Variants in PLCZ1 observed in about 807,000 individuals in gnomAD.
PLCZ1 encodes 1-phosphatidylinositol 4,5-bisphosphate phosphodiesterase zeta-1.
In PLCZ1, 64 loss-of-function variants were observed where a neutral mutation model predicts 76.8. That is an observed-to-expected ratio of 0.83 (90% CI 0.68 to 1.03). The LOEUF is 1.03. Among genes scored for constraint, PLCZ1 ranks in the 50% least tolerant of loss-of-function variants. PLCZ1 has a pLI of 0.00. For synonymous variants in PLCZ1, 248 were observed against 230.8 expected (o/e 1.07, Z -0.68); for missense variants, 751 against 713.7 (o/e 1.05, Z -0.60).
At chr12:18,692,027 A>G (rs1484427334) in intron 12 of PLCZ1, among the ~76,000 whole-genome samples, 1 of 152,144 alleles carries the variant, frequency 6.6e-6, no homozygotes, top group African/African-American at 2.4e-5. Context: ...ATCCTGTGGT[A>G]TTACGATGGT....
At position 18,684,578 on chromosome 12, in the gene PLCZ1, T is replaced by C. The variant is rs918032488; in HGVS notation, c.1592-299A>G. ...AGATGTTACATAATTTCCTAAGGTTTCACATATGTGGTCATTAAGTGGCAG... is the reference window on the plus strand; with the variant it reads ...AGATGTTACATAATTTCCTAAGGTTCCACATATGTGGTCATTAAGTGGCAG... On this transcript the variant is annotated intron_variant, in intron 13 of 14. Transcript: ENST00000266505. Among the ~76,000 whole-genome samples, 4 of 152,170 alleles carry C rather than the reference T, an allele frequency of 2.6e-5. No homozygotes were observed. In the East Asian group the frequency reaches 5.8e-4, roughly 22 times the overall value.
intron 6 of PLCZ1, among the ~76,000 whole-genome samples, chr12:18,708,316 C>T (rs1956874011): frequency 6.6e-6 from 1 of 152,106 alleles, no homozygotes; most frequent in Non-Finnish European, 1.5e-5. Context: ...ACATAATGTC[C>T]TCACTCATGC....
the PLCZ1 span, among the ~76,000 whole-genome samples, chr12:18,662,223 A>T: frequency 6.6e-6 from 1 of 152,122 alleles, no homozygotes; most frequent in Non-Finnish European, 1.5e-5. Flanking sequence ...TATGCTCATC[A>T]CCTGGCTGAT....
the PLCZ1 span, among the ~76,000 whole-genome samples, chr12:18,671,396 C>G: frequency 6.6e-6 from 1 of 151,798 alleles, no homozygotes; most frequent in Non-Finnish European, 1.5e-5. Flanking sequence ...AGAAAGAACA[C>G]GAGAGCCTGG....
chr12:18,694,307 G>A (rs1175622401), intron 12 of PLCZ1, among the ~76,000 whole-genome samples: 3 of 152,060 alleles, frequency 2.0e-5, no homozygotes, highest in South Asian at 2.1e-4. Flanking sequence ...AATAAAGCGC[G>A]CTCTTTCACA....
intron 9 of PLCZ1, 144 bp from the exon 10 acceptor site, chr12:18,700,094 A>G (rs543217767): frequency 1.2e-4 from 83 of 701,660 alleles, no homozygotes; most frequent in South Asian, 4.9e-4. Flanking sequence ...GATTAACTCA[A>G]TATGATTATT....
At position 18,723,546 on chromosome 12, in the gene PLCZ1, C is replaced by A. The variant is rs753874458; in HGVS notation, c.136-4G>T. ...CTTGTTTCAGCCTGTCATTGTCCTA[C>A]TAAAAAAATGACTGGTGGGCTCACA... On this transcript the variant is annotated splice_region_variant and splice_polypyrimidine_tract_variant and intron_variant, in intron 3 of 14. Coordinates refer to ENST00000266505, the MANE Select transcript of PLCZ1 (RefSeq NM_033123.4). 4 of 1,607,042 alleles carry A rather than the reference C, an allele frequency of 2.5e-6. No individual in the cohort carries two copies. The South Asian group carries it at 3.3e-5, about 13-fold the overall frequency.
At chr12:18,712,077 T>G (rs1957409588) in intron 6 of PLCZ1, among the ~76,000 whole-genome samples, 1 of 152,182 alleles carries the variant, frequency 6.6e-6, no homozygotes. Context: ...ATTTAATGTA[T>G]TAGGTACACA....
At chr12:18,652,514 G>GTTGC in the PLCZ1 span, among the ~76,000 whole-genome samples, 1 of 152,138 alleles carries the variant, frequency 6.6e-6, no homozygotes, top group Non-Finnish European at 1.5e-5. Context: ...GAAAAATACT[G>GTTGC]TTGCTTAAGC....
chr12:18,671,272 A>G, the PLCZ1 span, among the ~76,000 whole-genome samples: 3 of 152,288 alleles, frequency 2.0e-5, no homozygotes, highest in East Asian at 3.9e-4. Flanking sequence ...TAGTGTATGT[A>G]AAAACATTTC....
intron 6 of PLCZ1, among the ~76,000 whole-genome samples, chr12:18,711,097 C>T (rs562296070): frequency 1.7e-4 from 26 of 151,838 alleles, no homozygotes; most frequent in African/African-American, 4.8e-4. Context: ...ATGTTTATTG[C>T]GGCACTATTC....
chr12:18,704,435 C>T (rs1446971735), intron 7 of PLCZ1, among the ~76,000 whole-genome samples: 1 of 152,144 alleles, frequency 6.6e-6, no homozygotes, highest in African/African-American at 2.4e-5. Flanking sequence ...AAGCGATTCT[C>T]CTGCCTCAGT....
intron 2 of PLCZ1, chr12:18,736,632 A>G (rs936087647): frequency 7.7e-7 from 1 of 1,297,014 alleles, no homozygotes; most frequent in East Asian, 5.3e-5. Context: ...AAACATTATA[A>G]CAATCTATTG....
chr12:18,727,734 A>G (rs1310649458), intron 3 of PLCZ1, among the ~76,000 whole-genome samples: 2 of 152,174 alleles, frequency 1.3e-5, no homozygotes, highest in Non-Finnish European at 2.9e-5. Flanking sequence ...GAAATCCCAT[A>G]GATTTTCGTT....
the PLCZ1 span, among the ~76,000 whole-genome samples, chr12:18,662,199 A>T: frequency 6.6e-6 from 1 of 151,718 alleles, no homozygotes; most frequent in Admixed American, 6.6e-5. Flanking sequence ...ATGCTACCTA[A>T]ATAGCATAGG....
intron 5 of PLCZ1, among the ~76,000 whole-genome samples, chr12:18,713,981 C>T (rs1382187349): frequency 1.3e-5 from 2 of 152,124 alleles, no homozygotes; most frequent in South Asian, 2.1e-4. Flanking sequence ...TTTATTTACT[C>T]TGTGTCAGTG....
At position 18,684,296 on chromosome 12, in the gene PLCZ1, G is replaced by T; in HGVS notation, c.1592-17C>A. 6.3e-7 allele frequency: 1 copy of T among 1,588,418 alleles called. No individual in the cohort carries two copies. Among genetic ancestry groups the T allele is most frequent in the Non-Finnish European group, 8.6e-7 (1 of 1,160,078 alleles). On this transcript the variant is annotated splice_polypyrimidine_tract_variant and intron_variant, in intron 13 of 14. Transcript: ENST00000266505. ...GACTAAAAGCTGAAATATAAAAAAA[G>T]AAGATACAAAGAATAATAGATACCA...
At chr12:18,737,278 C>G in intron 2 of PLCZ1, 83 bp downstream of exon 2, 2 of 1,469,008 alleles carry the variant, frequency 1.4e-6, no homozygotes, top group Non-Finnish European at 1.9e-6. Flanking sequence ...ATTCAGAACT[C>G]CTCGAAAAGA....
chr12:18,736,860 A>T, intron 2 of PLCZ1: 1 of 445,696 alleles, frequency 2.2e-6, no homozygotes. Flanking sequence ...TTATTACTAC[A>T]TTAGTCCAAT....
Sources: gnomAD v4.1 joint callset for allele counts (sites outside exome capture counted in the v4.1 genomes callset) on GRCh38, gnomAD v4.1.1 for gene constraint, MANE v1.5 for transcripts, NCBI Gene and HGNC (gene_info 2026-07-23, HGNC 2026-07-21) for gene names.